Variants in JMJD1C observed in about 807,000 individuals in gnomAD.
JMJD1C encodes jumonji domain containing 1C.
JMJD1C carries 31 observed loss-of-function variants against 245.3 expected under a neutral mutation model. The ratio of observed to expected loss-of-function variants is 0.13; its 90% CI spans 0.09 to 0.17. The LOEUF is 0.17. JMJD1C is among the 10% of genes least tolerant of loss of function. JMJD1C has a pLI of 1.00. For synonymous variants in JMJD1C, 1,057 were observed against 1,017.4 expected (o/e 1.04, Z -0.74); for missense variants, 2,691 against 3,000.2 (o/e 0.90, Z 2.41).
intron 10 of JMJD1C, chr10:63,202,350 A>G (rs1369095801): frequency 1.0e-6 from 1 of 984,598 alleles, no homozygotes; most frequent in African/African-American, 1.7e-5. Flanking sequence ...TAATGTATCT[A>G]TATGTCAGAT....
At chr10:63,275,112 T>TA (rs952999099) in intron 2 of JMJD1C, among the ~76,000 whole-genome samples, 1 of 152,168 alleles carries the variant, frequency 6.6e-6, no homozygotes, top group Non-Finnish European at 1.5e-5. Flanking sequence ...TTTTTACAGA[T>TA]AAAAAAATGG....
At chr10:63,211,613 T>C (rs995418898) in intron 8 of JMJD1C, among the ~76,000 whole-genome samples, 1 of 151,930 alleles carries the variant, frequency 6.6e-6, no homozygotes, top group African/African-American at 2.4e-5. Context: ...ACTAATGTTA[T>C]ATGTAAAAAA....
intron 13 of JMJD1C, 84 bp downstream of exon 13, chr10:63,197,327 A>G: frequency 8.3e-7 from 1 of 1,200,756 alleles, no homozygotes. Flanking sequence ...AAGTAGGAAT[A>G]AAAAAACACA....
chr10:63,364,900 C>G (rs1462588217), intron 2 of JMJD1C, among the ~76,000 whole-genome samples: 1 of 152,178 alleles, frequency 6.6e-6, no homozygotes, highest in African/African-American at 2.4e-5. Context: ...CTATAGCAAC[C>G]TACTTAAAAT....
chr10:63,343,217 T>C (rs1418926903), intron 2 of JMJD1C, among the ~76,000 whole-genome samples: 4 of 151,958 alleles, frequency 2.6e-5, no homozygotes, highest in Non-Finnish European at 5.9e-5. Context: ...TTTTTAAAAA[T>C]TGGCTGGGCA....
At chr10:63,303,601 CG>C (rs1235946568) in intron 2 of JMJD1C, among the ~76,000 whole-genome samples, 1 of 152,096 alleles carries the variant, frequency 6.6e-6, no homozygotes, top group Non-Finnish European at 1.5e-5. Flanking sequence ...CCACCATACC[CG>C]GCCTGCTTGT....
Position 63,389,328 on chromosome 10 carries a change from AG to A in JMJD1C, c.169-8847del, listed in dbSNP as rs201528108. 7.5e-4 allele frequency among the ~76,000 whole-genome samples: 111 copies of A among 147,102 alleles called. 9 individuals are homozygous for A. Among genetic ancestry groups the A allele is most frequent in the African/African-American group, 1.6e-3 (62 of 39,658 alleles). ...CCCTGTCTCAAAAAAAAAAAAAAAA[AG>A]AAAAAGAAAAAAGATCTAAATGGAG... On this transcript the variant is annotated intron_variant, in intron 1 of 25. Transcript: ENST00000399262.
rs915998186 is a variant in JMJD1C at position 63,287,078 on chromosome 10, G to A, written c.334-22314C>T. Among the ~76,000 whole-genome samples, 11 of 152,268 alleles carry A rather than the reference G, an allele frequency of 7.2e-5. No individual in the cohort carries two copies. The Middle Eastern group carries it at 0.01, about 141-fold the overall frequency. On this transcript the variant is annotated intron_variant, in intron 2 of 25. Transcript: ENST00000399262. ...TTACAAAAATTAGCTGGGCATGGTG[G>A]CGCACACCTGTGGTTCCATCTACTT...
chr10:63,509,572 T>C (rs1420101820), intron 1 of JMJD1C, among the ~76,000 whole-genome samples: 1 of 152,246 alleles, frequency 6.6e-6, no homozygotes, highest in Non-Finnish European at 1.5e-5. Flanking sequence ...TAATTGTAGA[T>C]TCAGCTTCTT....
intron 1 of JMJD1C, among the ~76,000 whole-genome samples, chr10:63,406,200 C>T (rs867995713): frequency 8.5e-5 from 13 of 152,076 alleles, no homozygotes; most frequent in African/African-American, 3.1e-4. Context: ...GTAGAAGAAA[C>T]ATAGTTAAAA....
At chr10:63,263,959 T>TACACACACACACACAC (rs746833882) in intron 3 of JMJD1C, among the ~76,000 whole-genome samples, 8 of 83,002 alleles carry the variant, frequency 9.6e-5, no homozygotes, top group African/African-American at 3.4e-4. Flanking sequence ...AAAATACACA[T>TACACACACACACACAC]ACACACACAC....
chr10:63,244,698 C>T (rs1002271460), intron 3 of JMJD1C, among the ~76,000 whole-genome samples: 54 of 150,546 alleles, frequency 3.6e-4, no homozygotes, highest in Non-Finnish European at 4.4e-5. Context: ...CAAAATCAGC[C>T]GGGGTGGTGG....
At chr10:63,391,460 T>A (rs7095895) in intron 1 of JMJD1C, among the ~76,000 whole-genome samples, 152,177 of 152,178 alleles carry the variant, frequency 1, 76,088 homozygotes, top group Middle Eastern at 1. Flanking sequence ...CAGTGAGCCA[T>A]GATTGCGCCA....
intron 2 of JMJD1C, among the ~76,000 whole-genome samples, chr10:63,363,584 A>G (rs991619613): frequency 1.3e-5 from 2 of 152,004 alleles, no homozygotes; most frequent in African/African-American, 2.4e-5. Flanking sequence ...CAATTCCTGC[A>G]TTATCAGTTC....
At chr10:63,329,662 T>G (rs1941928759) in intron 2 of JMJD1C, among the ~76,000 whole-genome samples, 1 of 152,234 alleles carries the variant, frequency 6.6e-6, no homozygotes, top group Admixed American at 6.5e-5. Context: ...CAGAATTTTT[T>G]GACTTTCTGA....
At chr10:63,181,059 G>A (rs990958022) in intron 22 of JMJD1C, among the ~76,000 whole-genome samples, 1 of 152,062 alleles carries the variant, frequency 6.6e-6, no homozygotes, top group African/African-American at 2.4e-5. Context: ...TAGAGACTGG[G>A]TTTCACTACG....
chr10:63,493,427 G>A (rs1057025953), intron 1 of JMJD1C, among the ~76,000 whole-genome samples: 4 of 151,440 alleles, frequency 2.6e-5, no homozygotes, highest in South Asian at 4.2e-4. Flanking sequence ...GATTATAGGC[G>A]TCAGCCACCA....
intron 1 of JMJD1C, among the ~76,000 whole-genome samples, chr10:63,494,832 A>C (rs1382476158): frequency 6.6e-6 from 1 of 152,190 alleles, no homozygotes; most frequent in Non-Finnish European, 1.5e-5. Flanking sequence ...TCAGGTCACT[A>C]ATACAGAGAG....
chr10:63,333,418 T>TG (rs1384095968), intron 2 of JMJD1C, among the ~76,000 whole-genome samples: 2 of 152,102 alleles, frequency 1.3e-5, no homozygotes, highest in East Asian at 3.9e-4. Flanking sequence ...TAGCCAGCCA[T>TG]GGTGGCTGTG....
Sources: allele counts gnomAD v4.1 joint callset (sites outside exome capture counted in the v4.1 genomes callset), GRCh38; gene constraint gnomAD v4.1.1; transcripts MANE v1.5; gene names NCBI Gene and HGNC (gene_info 2026-07-23, HGNC 2026-07-21).